Variants in EYS observed in about 807,000 individuals in gnomAD.
EYS encodes protein eyes shut homolog.
Under a neutral mutation model 282.1 loss-of-function variants are expected in EYS, and 250 were observed. That is an observed-to-expected ratio of 0.89 (90% CI 0.80 to 0.98). The LOEUF (loss-of-function observed/expected upper bound fraction) is 0.98, where lower values mean the gene tolerates loss of function less well. EYS is among the 50% of genes least tolerant of loss of function. The pLI, the probability that EYS is intolerant of heterozygous loss-of-function variation, is 0.00. For synonymous variants in EYS, 1,355 were observed against 1,282.9 expected (o/e 1.06, Z -1.20); for missense variants, 4,016 against 3,709.0 (o/e 1.08, Z -2.15).
intron 1 of EYS, among the ~76,000 whole-genome samples, chr6:65,645,687 G>T (rs1383460138): frequency 1.3e-5 from 2 of 149,660 alleles, no homozygotes; most frequent in Non-Finnish European, 3.0e-5. Context: ...TATAAGATCA[G>T]AACTAAATGA....
At chr6:64,221,409 G>C (rs958416947) in intron 31 of EYS, among the ~76,000 whole-genome samples, 2 of 151,940 alleles carry the variant, frequency 1.3e-5, no homozygotes, top group Non-Finnish European at 2.9e-5. Context: ...CTGCCCTTTT[G>C]TCTATTATCA....
chr6:64,931,012 C>T (rs1768706052), intron 15 of EYS, among the ~76,000 whole-genome samples: 4 of 152,144 alleles, frequency 2.6e-5, no homozygotes, highest in Admixed American at 1.3e-4. Context: ...TTGCAGTCAG[C>T]ATTCAAATTA....
chr6:65,616,827 C>T (rs912585222), intron 2 of EYS, among the ~76,000 whole-genome samples: 11 of 150,940 alleles, frequency 7.3e-5, no homozygotes, highest in Admixed American at 2.6e-4. Flanking sequence ...TCTAATAAAA[C>T]GAAGAAAAAA....
intron 13 of EYS, among the ~76,000 whole-genome samples, chr6:65,023,282 T>C (rs951694304): frequency 6.6e-6 from 1 of 152,160 alleles, no homozygotes; most frequent in African/African-American, 2.4e-5. Context: ...GTTACCTTAT[T>C]TATTGCTTGT....
intron 13 of EYS, among the ~76,000 whole-genome samples, chr6:65,047,752 G>A (rs1304566781): frequency 6.6e-6 from 1 of 151,812 alleles, no homozygotes; most frequent in Non-Finnish European, 1.5e-5. Flanking sequence ...ATTTAATAAG[G>A]GACTACTTAC....
At chr6:64,761,379 C>T (rs74406555) in intron 22 of EYS, among the ~76,000 whole-genome samples, 7,157 of 152,250 alleles carry the variant, frequency 0.047, 226 homozygotes, top group East Asian at 0.18. Context: ...ATAAGACCTA[C>T]GTCCTCACAA....
intron 15 of EYS, among the ~76,000 whole-genome samples, chr6:64,928,712 A>AT (rs34115050): frequency 2.0e-4 from 30 of 151,366 alleles, no homozygotes; most frequent in East Asian, 7.8e-4. Context: ...TTAAAAGTCC[A>AT]TTTTTTTTTA....
At chr6:64,379,796 G>T (rs939173417) in intron 29 of EYS, 1 of 152,092 alleles carries the variant, frequency 6.6e-6, no homozygotes, top group Non-Finnish European at 1.5e-5. Flanking sequence ...TGAGGAAATG[G>T]TATGTGACAT....
chr6:64,203,250 G>A (rs920422651), intron 31 of EYS, among the ~76,000 whole-genome samples: 1 of 152,212 alleles, frequency 6.6e-6, no homozygotes, highest in African/African-American at 2.4e-5. Context: ...AATGGACTCA[G>A]TGTCTGAAAG....
intron 28 of EYS, among the ~76,000 whole-genome samples, chr6:64,411,609 G>T (rs1773893002): frequency 6.6e-6 from 1 of 152,110 alleles, no homozygotes; most frequent in African/African-American, 2.4e-5. Context: ...TTGTGAGGCT[G>T]AGGCAGGATG....
chr6:64,626,220 A>T lies in EYS; in HGVS notation c.3469T>A (p.Phe1157Ile). The T allele has an allele frequency of 6.5e-7, 1 of 1,533,570 alleles. No homozygotes were observed. Among genetic ancestry groups the T allele is most frequent in the Non-Finnish European group, 8.8e-7 (1 of 1,141,914 alleles). The allele number at this position is 1,533,570 out of a possible 1,614,324, so 95.0% of individuals were successfully genotyped here. A position where few individuals can be genotyped will look rare whatever the true frequency, so the allele number is the denominator to read the frequency against. The change falls in exon 23 of 43, where the codon TTT (phenylalanine) becomes ATT (isoleucine). Residue 1157 changes from phenylalanine (F) to isoleucine (I), a missense_variant. Phe to Ile is a conservative substitution (Grantham distance 21). Coordinates refer to ENST00000503581, the MANE Select transcript of EYS (RefSeq NM_001142800.2). ...CRCLPGFSGQ[F>I]CEININECSS... The stretch of plus-strand genomic sequence containing the variant: ...CATTCATTTATATTAATTTCACAAA[A>T]TTGACCAGAAAATCCAGGAAGACAT...
chr6:64,127,393 T>C (rs59485215), intron 31 of EYS, among the ~76,000 whole-genome samples: 14,666 of 152,212 alleles, frequency 0.096, 1,203 homozygotes, highest in African/African-American at 0.23. Flanking sequence ...GCGAAAATTA[T>C]TTTTCATTGG....
chr6:64,694,213 A>G (rs757755349), intron 22 of EYS, among the ~76,000 whole-genome samples: 10 of 152,220 alleles, frequency 6.6e-5, no homozygotes, highest in Admixed American at 1.3e-4. Context: ...TTACCTGTAA[A>G]TAGTAAAACA....
At chr6:63,811,677 T>C (rs940751493) in intron 36 of EYS, among the ~76,000 whole-genome samples, 11 of 152,224 alleles carry the variant, frequency 7.2e-5, no homozygotes, top group African/African-American at 2.7e-4. Context: ...TATATTTGTA[T>C]GTCTGATAAG....
intron 22 of EYS, among the ~76,000 whole-genome samples, chr6:64,765,601 C>T (rs978179383): frequency 2.0e-5 from 3 of 152,146 alleles, no homozygotes; most frequent in African/African-American, 7.2e-5. Context: ...AATCGCAGTT[C>T]CTCAGGCATA....
intron 19 of EYS, among the ~76,000 whole-genome samples, chr6:64,829,093 C>T (rs1765141086): frequency 6.6e-6 from 1 of 151,682 alleles, no homozygotes; most frequent in Admixed American, 6.6e-5. Context: ...GACTGGAAGG[C>T]AAAATATAAG....
intron 12 of EYS, among the ~76,000 whole-genome samples, chr6:65,074,150 T>C (rs1325378779): frequency 1.1e-4 from 16 of 152,096 alleles, no homozygotes; most frequent in Admixed American, 1.1e-3. Context: ...AACGGAATTG[T>C]TTTCTAACTC....
rs1769306786 is a variant in EYS at position 65,316,808 on chromosome 6, C to A, written c.1766+18172G>T. Reference sequence around the variant, plus strand: ...TCCACGTCCCTGCAAAGGACACGAACTCATCCTTTGTTGTGGCTGCATAGT... The same window carrying A: ...TCCACGTCCCTGCAAAGGACACGAAATCATCCTTTGTTGTGGCTGCATAGT... On this transcript the variant is annotated intron_variant, in intron 11 of 42. Coordinates refer to ENST00000503581, the MANE Select transcript of EYS (RefSeq NM_001142800.2). Among the ~76,000 whole-genome samples, 5 of 152,308 alleles carry A rather than the reference C, an allele frequency of 3.3e-5. No individual in the cohort carries two copies. In the South Asian group the frequency reaches 8.3e-4, roughly 25 times the overall value.
chr6:64,111,271 G>A (rs896271913), intron 31 of EYS, among the ~76,000 whole-genome samples: 2 of 151,970 alleles, frequency 1.3e-5, no homozygotes, highest in African/African-American at 4.8e-5. Context: ...AGAAGGCAGG[G>A]GTTATGTTGT....
Sources: allele counts gnomAD v4.1 joint callset (sites outside exome capture counted in the v4.1 genomes callset), GRCh38; gene constraint gnomAD v4.1.1; transcripts MANE v1.5; gene names NCBI Gene and HGNC (gene_info 2026-07-23, HGNC 2026-07-21).